Variants in MSRA observed in about 807,000 individuals in gnomAD.
MSRA encodes methionine sulfoxide reductase A, also known as mitochondrial peptide methionine sulfoxide reductase.
A neutral mutation model predicts 31.3 loss-of-function variants in MSRA; 54 were observed. The ratio of observed to expected loss-of-function variants is 1.73; its 90% CI spans 1.39 to 2.17. The LOEUF (loss-of-function observed/expected upper bound fraction) is 2.17. Among genes scored for constraint, MSRA ranks in the 30% most tolerant of loss-of-function variants. The probability of loss-of-function intolerance (pLI) is 0.00; values close to 1 mark genes in which losing one functional copy is unlikely to be tolerated. For synonymous variants in MSRA, 169 were observed against 116.5 expected, an observed-to-expected ratio of 1.45 and a Z score of -2.90; for missense variants, 507 against 300.9, an observed-to-expected ratio of 1.69 and a Z score of -5.07.
At chr8:10,225,418 T>C (rs147526654) in intron 2 of MSRA, among the ~76,000 whole-genome samples, 2,032 of 152,342 alleles carry the variant, frequency 0.013, 16 homozygotes, top group Middle Eastern at 0.027. Context: ...GGGCCTGGTC[T>C]TGGATTACTT....
At chr8:10,140,453 C>T (rs1451382488) in intron 1 of MSRA, among the ~76,000 whole-genome samples, 1 of 152,192 alleles carries the variant, frequency 6.6e-6, no homozygotes, top group East Asian at 1.9e-4. Flanking sequence ...TTGGTTTTCA[C>T]ATTTCAGGCA....
At chr8:10,405,229 A>C (rs570449281) in intron 5 of MSRA, among the ~76,000 whole-genome samples, 2 of 152,102 alleles carry the variant, frequency 1.3e-5, no homozygotes, top group Non-Finnish European at 2.9e-5. Context: ...CCCCTCTGTC[A>C]ACCCTGTGCC....
intron 3 of MSRA, among the ~76,000 whole-genome samples, chr8:10,252,491 T>A (rs930968080): frequency 6.6e-6 from 1 of 152,204 alleles, no homozygotes; most frequent in Non-Finnish European, 1.5e-5. Context: ...AAGTCCTGTC[T>A]GCGATGGCCA....
chr8:10,295,141 CT>C (rs1800463573), intron 3 of MSRA, among the ~76,000 whole-genome samples: 1 of 152,078 alleles, frequency 6.6e-6, no homozygotes, highest in Admixed American at 6.5e-5. Context: ...GGCTCTTTGC[CT>C]ACTGTGTTTG....
chr8:10,199,739 T>C (rs1213578516), intron 1 of MSRA, among the ~76,000 whole-genome samples: 1 of 152,240 alleles, frequency 6.6e-6, no homozygotes, highest in African/African-American at 2.4e-5. Flanking sequence ...TGCTTTATTC[T>C]ATTAAAAATG....
chr8:10,331,624 A>C (rs74981430), intron 5 of MSRA, among the ~76,000 whole-genome samples: 13,856 of 152,210 alleles, frequency 0.091, 808 homozygotes, highest in Admixed American at 0.13. Context: ...GTGGCGATAC[A>C]TGCTAATCTT....
chr8:10,127,451 G>C (rs967717696), intron 1 of MSRA, among the ~76,000 whole-genome samples: 1 of 152,198 alleles, frequency 6.6e-6, no homozygotes, highest in Non-Finnish European at 1.5e-5. Context: ...CTTCTGAGCT[G>C]TTTGTAACCA....
chr8:10,186,590 A>T (rs1039038368), intron 1 of MSRA, among the ~76,000 whole-genome samples: 2 of 152,204 alleles, frequency 1.3e-5, no homozygotes, highest in Non-Finnish European at 2.9e-5. Context: ...TCTATAACTA[A>T]TTGAGTAGTA....
chr8:10,179,950 C>T (rs904830656), intron 1 of MSRA, among the ~76,000 whole-genome samples: 14 of 152,098 alleles, frequency 9.2e-5, no homozygotes, highest in Non-Finnish European at 2.1e-4. Flanking sequence ...TTTCTGACAC[C>T]AACTGTATAG....
chr8:10,402,495 T>C (rs1585693226), intron 5 of MSRA, among the ~76,000 whole-genome samples: 1 of 152,354 alleles, frequency 6.6e-6, no homozygotes, highest in Admixed American at 6.5e-5. Context: ...ATTTTGTGCA[T>C]GATCATTCCA....
Position 10,269,775 on chromosome 8 carries a change from C to T in MSRA, c.331+24552C>T, listed in dbSNP as rs767728228. ...CACGCCATTCCCCTGCCTCAGCCTCCTGAGTAGCTGGGACCACATGTGAGT... is the reference window on the plus strand; with the variant it reads ...CACGCCATTCCCCTGCCTCAGCCTCTTGAGTAGCTGGGACCACATGTGAGT... On this transcript the variant is annotated intron_variant, in intron 3 of 5. Transcript: ENST00000317173. 2.0e-5 allele frequency among the ~76,000 whole-genome samples: 3 copies of T among 152,232 alleles called. No homozygotes were observed. The South Asian group carries it at 6.2e-4, about 32-fold the overall frequency.
At chr8:10,214,450 G>A (rs955247088) in intron 2 of MSRA, among the ~76,000 whole-genome samples, 2 of 152,110 alleles carry the variant, frequency 1.3e-5, no homozygotes, top group African/African-American at 2.4e-5. Context: ...GGAAGCAGCC[G>A]GCAATATGTC....
intron 1 of MSRA, among the ~76,000 whole-genome samples, chr8:10,160,547 C>T (rs1394533923): frequency 4.6e-5 from 7 of 151,806 alleles, no homozygotes; most frequent in Admixed American, 3.3e-4. Context: ...ATCCATGACA[C>T]GTCCTTAAAA....
At chr8:10,117,527 A>C (rs1378825759) in intron 1 of MSRA, among the ~76,000 whole-genome samples, 1 of 152,146 alleles carries the variant, frequency 6.6e-6, no homozygotes, top group African/African-American at 2.4e-5. Flanking sequence ...TATACATGTA[A>C]GTTTCTATGT....
chr8:10,150,014 C>A (rs1379478616), intron 1 of MSRA, among the ~76,000 whole-genome samples: 3 of 143,174 alleles, frequency 2.1e-5, no homozygotes, highest in Non-Finnish European at 4.5e-5. Flanking sequence ...CTTTCTTACA[C>A]TGGGATTGCA....
intron 1 of MSRA, among the ~76,000 whole-genome samples, chr8:10,188,670 C>A (rs1807257892): frequency 6.6e-6 from 1 of 152,152 alleles, no homozygotes; most frequent in Non-Finnish European, 1.5e-5. Context: ...ACTGTCCTTT[C>A]CTGATTGAAT....
intron 5 of MSRA, among the ~76,000 whole-genome samples, chr8:10,356,837 C>T (rs937667982): frequency 1.4e-5 from 2 of 144,556 alleles, no homozygotes; most frequent in African/African-American, 5.2e-5. Context: ...GCAGCCCGAA[C>T]AGATCAACAC....
chr8:10,204,528 A>T (rs1297026200), intron 1 of MSRA, among the ~76,000 whole-genome samples: 1 of 152,238 alleles, frequency 6.6e-6, no homozygotes, highest in Admixed American at 6.5e-5. Context: ...AGTATTCAGT[A>T]TAGTCACATG....
intron 1 of MSRA, among the ~76,000 whole-genome samples, chr8:10,135,363 A>T (rs1414023343): frequency 6.6e-6 from 1 of 152,216 alleles, no homozygotes; most frequent in Non-Finnish European, 1.5e-5. Flanking sequence ...TTGGCATGAG[A>T]GAGTTTTGCC....
Sources: allele counts gnomAD v4.1 joint callset (sites outside exome capture counted in the v4.1 genomes callset), GRCh38; gene constraint gnomAD v4.1.1; transcripts MANE v1.5; gene names NCBI Gene and HGNC (gene_info 2026-07-23, HGNC 2026-07-21).